KAT6B: variants seen among roughly 807,000 people sequenced by gnomAD.
KAT6B encodes histone acetyltransferase KAT6B.
A neutral mutation model predicts 187.5 loss-of-function variants in KAT6B; 10 were observed. That is an observed-to-expected ratio of 0.05 (90% CI 0.03 to 0.09). The LOEUF is 0.09. Among genes scored for constraint, KAT6B ranks in the 10% least tolerant of loss-of-function variants. KAT6B has a pLI of 1.00. For missense variants in KAT6B, 1,952 were observed against 2,558.9 expected (o/e 0.76, Z 5.12); for synonymous variants, 861 against 926.8 (o/e 0.93, Z 1.29).
intron 3 of KAT6B, among the ~76,000 whole-genome samples, chr10:74,900,582 G>C (rs1384996638): frequency 6.6e-6 from 1 of 152,234 alleles, no homozygotes; most frequent in African/African-American, 2.4e-5. Flanking sequence ...GCTTTAGACT[G>C]TCACCCAGGT....
At chr10:74,835,529 C>G (rs1841228046) in intron 1 of KAT6B, among the ~76,000 whole-genome samples, 1 of 152,180 alleles carries the variant, frequency 6.6e-6, no homozygotes, top group South Asian at 2.1e-4. Context: ...CGAAGTAACT[C>G]CTTGTCACAG....
At chr10:74,922,527 T>C (rs1848209837) in intron 3 of KAT6B, among the ~76,000 whole-genome samples, 1 of 152,178 alleles carries the variant, frequency 6.6e-6, no homozygotes, top group Non-Finnish European at 1.5e-5. Flanking sequence ...CAGGTAATAT[T>C]TTACAAAGGA....
At chr10:75,027,699 A>G (rs1845977589) in intron 17 of KAT6B, among the ~76,000 whole-genome samples, 1 of 152,152 alleles carries the variant, frequency 6.6e-6, no homozygotes, top group Admixed American at 6.5e-5. Flanking sequence ...CTGAACTGAA[A>G]TGAACTTCAC....
chr10:74,997,635 A>G (rs1174300840), intron 13 of KAT6B, among the ~76,000 whole-genome samples: 1 of 152,206 alleles, frequency 6.6e-6, no homozygotes, highest in African/African-American at 2.4e-5. Flanking sequence ...TAACTGCAAG[A>G]TTACAATTTT....
chr10:74,927,808 T>G (rs1279415722), intron 3 of KAT6B, among the ~76,000 whole-genome samples: 1 of 152,106 alleles, frequency 6.6e-6, no homozygotes, highest in Non-Finnish European at 1.5e-5. Flanking sequence ...TCCTCCAGCC[T>G]AGGAAGTATT....
chr10:74,970,036 G>A lies in KAT6B; in HGVS notation c.863G>A (p.Cys288Tyr). 6.2e-7 allele frequency: 1 copy of A among 1,610,772 alleles called. No individual in the cohort carries two copies. Among genetic ancestry groups the A allele is most frequent in the South Asian group, 1.1e-5 (1 of 90,998 alleles). The change falls in exon 6 of 18, where the codon TGT (cysteine) becomes TAT (tyrosine). Residue 288 changes from cysteine (C) to tyrosine (Y), a missense_variant. By Grantham distance (194) the Cys-to-Tyr change is radical (BLOSUM62 -2). Transcript: ENST00000287239. ...QGRNADNMLFCDSCDRGFHME... is the reference protein window; with the variant it reads ...QGRNADNMLFYDSCDRGFHME... ...ATATTACAGGATAATATGCTTTTTT[G>A]TGATTCCTGTGATAGAGGATTTCAT...
chr10:74,955,178 T>C (rs1354752680), intron 3 of KAT6B, among the ~76,000 whole-genome samples: 1 of 152,232 alleles, frequency 6.6e-6, no homozygotes, highest in Admixed American at 6.5e-5. Context: ...ATATAAATGC[T>C]ATGTGAATCA....
chr10:74,833,894 C>G (rs1841068855), intron 1 of KAT6B, among the ~76,000 whole-genome samples: 1 of 152,184 alleles, frequency 6.6e-6, no homozygotes, highest in South Asian at 2.1e-4. Flanking sequence ...ATATTCAGTT[C>G]AACCAGCGTT....
At chr10:74,914,966 G>C (rs186646531) in intron 3 of KAT6B, among the ~76,000 whole-genome samples, 1 of 152,154 alleles carries the variant, frequency 6.6e-6, no homozygotes, top group East Asian at 1.9e-4. Flanking sequence ...CAGGCTTGGT[G>C]GCCCACACTT....
At chr10:74,847,245 A>G (rs1589461000) in intron 3 of KAT6B, among the ~76,000 whole-genome samples, 1 of 152,216 alleles carries the variant, frequency 6.6e-6, no homozygotes, top group African/African-American at 2.4e-5. Flanking sequence ...GTTTTCTAGA[A>G]TTTTTACTTG....
At chr10:74,899,297 G>A (rs1442111976) in intron 3 of KAT6B, among the ~76,000 whole-genome samples, 4 of 116,902 alleles carry the variant, frequency 3.4e-5, no homozygotes, top group Non-Finnish European at 6.0e-5. Flanking sequence ...TATTTGAGAC[G>A]GAGTTTCTTT....
intron 3 of KAT6B, among the ~76,000 whole-genome samples, chr10:74,887,004 A>G (rs976955498): frequency 6.6e-6 from 1 of 152,192 alleles, no homozygotes; most frequent in African/African-American, 2.4e-5. Context: ...GAGGAATCAA[A>G]GACCTGATCT....
rs373849066 is a variant in KAT6B at position 74,875,423 on chromosome 10, A to T, written c.621+31945A>T. On this transcript the variant is annotated intron_variant, in intron 3 of 17. Coordinates refer to ENST00000287239, the MANE Select transcript of KAT6B (RefSeq NM_012330.4). ...ATTACTAGATTACCATTAAATGGTA[A>T]TGTTAAGTGACCCTGAAACCAAAGT... 1.7e-3 allele frequency among the ~76,000 whole-genome samples: 260 copies of T among 152,086 alleles called. 9 individuals are homozygous for T. The South Asian group carries it at 0.053, about 31-fold the overall frequency.
At chr10:74,961,105 C>T (rs907033755) in intron 4 of KAT6B, among the ~76,000 whole-genome samples, 1 of 152,146 alleles carries the variant, frequency 6.6e-6, no homozygotes, top group Non-Finnish European at 1.5e-5. Flanking sequence ...AAAATGCATT[C>T]TGACAGTCTT....
chr10:75,025,508 C>T (rs763128412), intron 17 of KAT6B: 2 of 422,086 alleles, frequency 4.7e-6, no homozygotes, highest in African/African-American at 3.9e-5. Flanking sequence ...ATTGGCTTAT[C>T]CCCAAAAACT....
chr10:74,835,050 G>GT, intron 1 of KAT6B, among the ~76,000 whole-genome samples: 1 of 152,132 alleles, frequency 6.6e-6, no homozygotes. Context: ...CATGAATCCT[G>GT]TTTTTAAGAA....
At chr10:74,825,344 C>G (rs994593528), upstream of KAT6B, among the ~76,000 whole-genome samples, 29 of 151,448 alleles carry the variant, frequency 1.9e-4, no homozygotes, top group Non-Finnish European at 4.1e-4. The surrounding 1 kb of genome is among the most constrained non-coding windows in gnomAD (Gnocchi z 5.0). Flanking sequence ...GAGAGGAGCC[C>G]CCCGGGGCGG....
chr10:74,869,117 A>G (rs1455788378), intron 3 of KAT6B, among the ~76,000 whole-genome samples: 1 of 152,144 alleles, frequency 6.6e-6, no homozygotes, highest in Non-Finnish European at 1.5e-5. Flanking sequence ...AAAAATTTTG[A>G]AGGGTGAAAC....
At chr10:74,922,824 A>C (rs955081399) in intron 3 of KAT6B, among the ~76,000 whole-genome samples, 3 of 152,244 alleles carry the variant, frequency 2.0e-5, no homozygotes, top group African/African-American at 7.2e-5. Context: ...TGGTTCATGA[A>C]CAAACACTTC....
Sources: allele counts gnomAD v4.1 joint callset (sites outside exome capture counted in the v4.1 genomes callset), GRCh38; gene constraint gnomAD v4.1.1; non-coding constraint Gnocchi (gnomAD v3.1); transcripts MANE v1.5; gene names NCBI Gene and HGNC (gene_info 2026-07-23, HGNC 2026-07-21).